The following PGPEP1L variants were observed in gnomAD, a reference collection of about 807,000 sequenced individuals.
PGPEP1L encodes pyroglutamyl-peptidase I like.
PGPEP1L carries 7 observed loss-of-function variants against 6.0 expected under a neutral mutation model. The ratio of observed to expected loss-of-function variants is 1.17; its 90% confidence interval spans 0.66 to 2.19. PGPEP1L has a LOEUF of 2.19. Among genes scored for constraint, PGPEP1L ranks in the 30% most tolerant of loss-of-function variants. PGPEP1L has a pLI of 0.00. For missense variants in PGPEP1L, 209 were observed against 192.5 expected, an observed-to-expected ratio of 1.09 and a Z score of -0.51; for synonymous variants, 103 against 83.9, an observed-to-expected ratio of 1.23 and a Z score of -1.24.
chr15:98,978,288 C>A (rs1851255), intron 2 of PGPEP1L, among the ~76,000 whole-genome samples: 135,418 of 152,176 alleles, frequency 0.89, 60,674 homozygotes, highest in South Asian at 0.94. Context: ...AGAGTCGGGG[C>A]ACCCCTGAGA....
At chr15:98,972,783 A>C (rs2017516527) in intron 2 of PGPEP1L, among the ~76,000 whole-genome samples, 4 of 146,848 alleles carry the variant, frequency 2.7e-5, no homozygotes, top group Middle Eastern at 7.0e-3. Flanking sequence ...AGGCAGGAGA[A>C]TGGTGTGAAC....
At chr15:99,004,632 C>G (rs369495189) in intron 2 of PGPEP1L, among the ~76,000 whole-genome samples, 1 of 152,036 alleles carries the variant, frequency 6.6e-6, no homozygotes, top group Non-Finnish European at 1.5e-5. Flanking sequence ...GCAGGAGAAT[C>G]GCTTGAACCC....
chr15:98,968,826 G>A, intron 4 of PGPEP1L, 129 bp from the exon 5 acceptor site: 7 of 842,372 alleles, frequency 8.3e-6, no homozygotes, highest in Non-Finnish European at 1.3e-5. Flanking sequence ...GGAGACTTGT[G>A]TTGTTTCACC....
intron 2 of PGPEP1L, among the ~76,000 whole-genome samples, chr15:99,000,395 G>T (rs1307346718): frequency 1.3e-5 from 2 of 152,238 alleles, no homozygotes; most frequent in East Asian, 1.9e-4. Context: ...GCGGGCACAT[G>T]GCACAGGACT....
intron 2 of PGPEP1L, among the ~76,000 whole-genome samples, chr15:98,987,194 A>AAAAG (rs2017759831): frequency 1.4e-5 from 2 of 146,070 alleles, no homozygotes; most frequent in Admixed American, 6.8e-5. Context: ...AAAAAAAAAA[A>AAAAG]AGAGAGCCAA....
intron 2 of PGPEP1L, among the ~76,000 whole-genome samples, chr15:99,000,362 G>A (rs964676349): frequency 2.6e-5 from 4 of 152,306 alleles, no homozygotes; most frequent in South Asian, 2.1e-4. Flanking sequence ...CAGTCCCATC[G>A]ACCACCCCAA....
chr15:98,975,677 T>C (rs2017558134), intron 2 of PGPEP1L, among the ~76,000 whole-genome samples: 1 of 152,100 alleles, frequency 6.6e-6, no homozygotes, highest in Non-Finnish European at 1.5e-5. Context: ...TGTCAGGAGT[T>C]TGAGACCAGC....
chr15:98,996,312 A>C (rs1555472484), intron 2 of PGPEP1L, among the ~76,000 whole-genome samples: 1 of 152,186 alleles, frequency 6.6e-6, no homozygotes, highest in African/African-American at 2.4e-5. Flanking sequence ...CTTCTGCAGG[A>C]GTCAGGGTGC....
At chr15:98,998,447 G>A (rs1029042684) in intron 2 of PGPEP1L, among the ~76,000 whole-genome samples, 6 of 152,230 alleles carry the variant, frequency 3.9e-5, no homozygotes, top group Non-Finnish European at 4.4e-5. Flanking sequence ...GAACATGTGT[G>A]CACAGATGTC....
At chr15:98,988,076 G>A (rs1277285681) in intron 2 of PGPEP1L, among the ~76,000 whole-genome samples, 1 of 152,188 alleles carries the variant, frequency 6.6e-6, no homozygotes, top group African/African-American at 2.4e-5. Flanking sequence ...GGCAGACACC[G>A]AGCTAGCTGC....
At chr15:99,005,069 C>G (rs1413159966) in intron 2 of PGPEP1L, among the ~76,000 whole-genome samples, 13 of 152,056 alleles carry the variant, frequency 8.5e-5, no homozygotes, top group Non-Finnish European at 1.6e-4. Flanking sequence ...CCTGCACCCC[C>G]AAGGGATACC....
intron 2 of PGPEP1L, among the ~76,000 whole-genome samples, chr15:98,997,005 T>C (rs1407823615): frequency 1.3e-5 from 2 of 152,194 alleles, no homozygotes; most frequent in Non-Finnish European, 2.9e-5. Context: ...TGACTTGTCT[T>C]GGGTCTCGCA....
intron 2 of PGPEP1L, among the ~76,000 whole-genome samples, chr15:99,000,849 G>A (rs934095346): frequency 6.6e-5 from 10 of 152,076 alleles, no homozygotes; most frequent in East Asian, 1.9e-4. Context: ...CAACCCACTC[G>A]GGTCCCCTTC....
chr15:99,005,647 G>T lies in PGPEP1L; in HGVS notation c.-360C>A, dbSNP rs1426704256. On this transcript the variant is annotated 5_prime_UTR_variant, in exon 2 of 5. Coordinates refer to ENST00000535714, the MANE Select transcript of PGPEP1L (RefSeq NM_001167902.2). ...GTCCGTAGCGTTCTGGGCCCCGAAAGGCCAAGGATCTAGGGGAGGGTGATA... is the reference window on the plus strand; with the variant it reads ...GTCCGTAGCGTTCTGGGCCCCGAAATGCCAAGGATCTAGGGGAGGGTGATA... The T allele has an allele frequency of 1.3e-5, 2 of 152,296 alleles. No individual in the cohort carries two copies. Among genetic ancestry groups the T allele is most frequent in the Non-Finnish European group, 2.9e-5 (2 of 68,092 alleles). 9.4% of individuals were successfully genotyped at this position (152,296 alleles called of 1,614,324 possible).
intron 2 of PGPEP1L, among the ~76,000 whole-genome samples, chr15:98,990,483 A>G (rs1472586793): frequency 6.6e-6 from 1 of 152,166 alleles, no homozygotes; most frequent in African/African-American, 2.4e-5. Context: ...GAGACCTACA[A>G]AGAGACTTGG....
At chr15:98,999,872 G>A (rs782780383) in intron 2 of PGPEP1L, among the ~76,000 whole-genome samples, 7 of 152,274 alleles carry the variant, frequency 4.6e-5, no homozygotes, top group South Asian at 2.1e-4. Flanking sequence ...CTACTGAGAA[G>A]GTGACAGCAT....
At chr15:98,986,299 A>G (rs1468359475) in intron 2 of PGPEP1L, among the ~76,000 whole-genome samples, 1 of 152,234 alleles carries the variant, frequency 6.6e-6, no homozygotes, top group Non-Finnish European at 1.5e-5. Flanking sequence ...AAGTGATCAG[A>G]GAGTTAGGCT....
chr15:98,992,004 A>G (rs1391595747), intron 2 of PGPEP1L, among the ~76,000 whole-genome samples: 21 of 152,164 alleles, frequency 1.4e-4, no homozygotes, highest in Admixed American at 9.2e-4. Context: ...CATACTGAAT[A>G]GGCAAAAACT....
chr15:99,000,141 G>A (rs2017941878), intron 2 of PGPEP1L, among the ~76,000 whole-genome samples: 1 of 152,246 alleles, frequency 6.6e-6, no homozygotes, highest in African/African-American at 2.4e-5. Flanking sequence ...CCCGCACTGG[G>A]AGTGGCCGGC....
Sources: allele counts gnomAD v4.1 joint callset (sites outside exome capture counted in the v4.1 genomes callset), GRCh38; gene constraint gnomAD v4.1.1; transcripts MANE v1.5; gene names NCBI Gene and HGNC (gene_info 2026-07-23, HGNC 2026-07-21).